Variants in STT3B observed in about 807,000 individuals in gnomAD.
STT3B encodes the protein dolichyl-diphosphooligosaccharide--protein glycosyltransferase subunit STT3B.
STT3B carries 29 observed loss-of-function variants against 96.8 expected under a neutral mutation model. That is an observed-to-expected ratio of 0.30 (90% CI 0.22 to 0.41). The LOEUF is 0.41. STT3B is among the 10% of genes least tolerant of loss of function. STT3B has a pLI of 1.00. For synonymous variants in STT3B, 367 were observed against 360.0 expected, an observed-to-expected ratio of 1.02 and a Z score of -0.22; for missense variants, 640 against 1,022.3, an observed-to-expected ratio of 0.63 and a Z score of 5.10.
At chr3:31,561,841 G>C (rs1034051122) in intron 1 of STT3B, among the ~76,000 whole-genome samples, 1 of 152,002 alleles carries the variant, frequency 6.6e-6, no homozygotes, top group Non-Finnish European at 1.5e-5. Context: ...TGGCACTTTG[G>C]TATTGATTCT....
intron 5 of STT3B, among the ~76,000 whole-genome samples, chr3:31,614,295 G>A (rs1699253692): frequency 6.6e-6 from 1 of 151,826 alleles, no homozygotes; most frequent in Non-Finnish European, 1.5e-5. Context: ...ATTTCAGATG[G>A]GCTTTATTTC....
At chr3:31,614,922 G>T (rs770686262) in intron 5 of STT3B, among the ~76,000 whole-genome samples, 183 bp from the exon 6 acceptor site, 2 of 151,830 alleles carry the variant, frequency 1.3e-5, no homozygotes, top group African/African-American at 2.4e-5. Flanking sequence ...TTTGAAAAAT[G>T]GATAGAATAT....
At chr3:31,549,309 C>G (rs975693087) in intron 1 of STT3B, among the ~76,000 whole-genome samples, 6 of 150,110 alleles carry the variant, frequency 4.0e-5, no homozygotes, top group African/African-American at 1.5e-4. Context: ...TAGCATCCCC[C>G]CTGATTCTCC....
In STT3B at chr3:31,628,011, TA is replaced by T. The variant is rs57778335; in HGVS notation, c.2074-1275del. Among the ~76,000 whole-genome samples, 414 of 147,196 alleles carry T rather than the reference TA, an allele frequency of 2.8e-3. 2 individuals carry two copies. The highest frequency in any genetic ancestry group is 9.2e-3 in the African/African-American group (364 of 39,696). ...GATATACAAAAAAGTCTACCCCCCC[TA>T]AAAAAAAAAAAGTTCCTCTATAGGT... On this transcript the variant is annotated intron_variant, in intron 13 of 15. Transcript: ENST00000295770.
At chr3:31,584,013 C>T (rs888577985) in intron 3 of STT3B, among the ~76,000 whole-genome samples, 4 of 152,144 alleles carry the variant, frequency 2.6e-5, no homozygotes, top group Admixed American at 6.6e-5. Flanking sequence ...CTCATGAAGA[C>T]TTACACCTCT....
intron 15 of STT3B, among the ~76,000 whole-genome samples, chr3:31,633,405 G>A (rs918979146): frequency 6.6e-6 from 1 of 152,134 alleles, no homozygotes; most frequent in Non-Finnish European, 1.5e-5. Context: ...AGACTTACTT[G>A]TAAAGTAAGA....
At chr3:31,554,945 T>C (rs1697667313) in intron 1 of STT3B, among the ~76,000 whole-genome samples, 1 of 152,156 alleles carries the variant, frequency 6.6e-6, no homozygotes, top group African/African-American at 2.4e-5. Context: ...GTTGGGTCTG[T>C]TTTCTTCATG....
chr3:31,551,235 T>TTA (rs1697550858), intron 1 of STT3B, among the ~76,000 whole-genome samples: 1 of 152,104 alleles, frequency 6.6e-6, no homozygotes, highest in South Asian at 2.1e-4. Context: ...GTTTGGTTTT[T>TTA]GATAGGGTCT....
At chr3:31,617,168 C>A in intron 7 of STT3B, 93 bp downstream of exon 7, 15 of 894,456 alleles carry the variant, frequency 1.7e-5, no homozygotes, top group East Asian at 2.9e-5. Flanking sequence ...AACAGCATGA[C>A]TACAAAGTGA....
At chr3:31,571,029 A>G (rs74504915) in intron 1 of STT3B, among the ~76,000 whole-genome samples, 6,644 of 152,252 alleles carry the variant, frequency 0.044, 377 homozygotes, top group East Asian at 0.32. Flanking sequence ...ACAGACACTG[A>G]AGCCCAAGGT....
At chr3:31,587,890 C>T (rs1390300480) in intron 3 of STT3B, among the ~76,000 whole-genome samples, 2 of 152,128 alleles carry the variant, frequency 1.3e-5, no homozygotes, top group African/African-American at 4.8e-5. Context: ...CTATCCTACT[C>T]CAAATCTTTT....
chr3:31,549,587 A>G (rs922071903), intron 1 of STT3B, among the ~76,000 whole-genome samples: 2 of 152,150 alleles, frequency 1.3e-5, no homozygotes, highest in Non-Finnish European at 2.9e-5. Flanking sequence ...TATACATTTT[A>G]TATTTATAGT....
intron 1 of STT3B, among the ~76,000 whole-genome samples, chr3:31,575,867 C>T (rs1332712887): frequency 6.7e-6 from 1 of 149,352 alleles, no homozygotes; most frequent in Non-Finnish European, 1.5e-5. Context: ...TTTCTTCTGC[C>T]TTTCATTTTG....
chr3:31,584,598 A>G (rs1698494206), intron 3 of STT3B, among the ~76,000 whole-genome samples: 1 of 152,176 alleles, frequency 6.6e-6, no homozygotes, highest in Admixed American at 6.5e-5. Context: ...TATAGATATC[A>G]TTGCTTTGAA....
At chr3:31,624,862 C>A in intron 11 of STT3B, 52 bp from the exon 12 acceptor site, 1 of 1,421,944 alleles carries the variant, frequency 7.0e-7, no homozygotes, top group Non-Finnish European at 9.7e-7. Context: ...TTTAAGTTAG[C>A]CTCTTCACAT....
rs1035361949 is a variant in STT3B at position 31,636,858 on chromosome 3, G to A, written c.*794G>A. The stretch of plus-strand genomic sequence containing the variant: ...ACCAGGACGGAGTTTTGGTATCTTA[G>A]TACTGAAGTTAGCACTATGTTTACA... On this transcript the variant is annotated 3_prime_UTR_variant, in exon 16 of 16. Transcript: ENST00000295770. 6.6e-6 allele frequency: 1 copy of A among 152,096 alleles called. No homozygotes were observed. The highest frequency in any genetic ancestry group is 2.4e-5 in the African/African-American group (1 of 41,418). 9.4% of individuals were successfully genotyped at this position (152,096 alleles called of 1,614,324 possible).
Position 31,636,303 on chromosome 3 carries a change from T to C in STT3B, c.*239T>C, listed in dbSNP as rs1416577488. ...CTGCTGTAAATGTCTAGCAGCAGAT[T>C]TTTTTTTTATTGGTACATATTATCC... On this transcript the variant is annotated 3_prime_UTR_variant, in exon 16 of 16. Transcript: ENST00000295770. 1.2e-5 allele frequency: 4 copies of C among 331,194 alleles called. No individual in the cohort carries two copies. Among genetic ancestry groups the C allele is most frequent in the Non-Finnish European group, 2.2e-5 (4 of 180,146 alleles). The allele number at this position is 331,194 out of a possible 1,614,324, so 20.5% of individuals were successfully genotyped here.
intron 4 of STT3B, among the ~76,000 whole-genome samples, chr3:31,598,756 A>G (rs868406665): frequency 5.9e-5 from 9 of 152,176 alleles, no homozygotes; most frequent in Middle Eastern, 6.8e-3. Context: ...GTAGATACCT[A>G]GAGTCATTAC....
intron 9 of STT3B, chr3:31,620,365 G>A (rs73062047): frequency 0.16 from 23,979 of 152,038 alleles, 2,277 homozygotes; most frequent in East Asian, 0.26. Context: ...TGGTTTCTGA[G>A]AGGTTAATGT....
Sources: gnomAD v4.1 joint callset for allele counts (sites outside exome capture counted in the v4.1 genomes callset) on GRCh38, gnomAD v4.1.1 for gene constraint, MANE v1.5 for transcripts, NCBI Gene and HGNC (gene_info 2026-07-23, HGNC 2026-07-21) for gene names.